The following ENPP3 variants were observed in gnomAD, a reference collection of about 807,000 sequenced individuals.
ENPP3 encodes ectonucleotide pyrophosphatase/phosphodiesterase family member 3.
Under a neutral mutation model 117.8 loss-of-function variants are expected in ENPP3, and 104 were observed. That is an observed-to-expected ratio of 0.88 (90% CI 0.75 to 1.04). ENPP3 has a LOEUF of 1.04. Among genes scored for constraint, ENPP3 ranks in the 50% least tolerant of loss-of-function variants. The pLI, the probability that ENPP3 is intolerant of heterozygous loss-of-function variation, is 0.00. For synonymous variants in ENPP3, 380 were observed against 349.9 expected (o/e 1.09, Z -0.96); for missense variants, 1,026 against 1,051.9 (o/e 0.98, Z 0.34).
At chr6:131,639,703 T>A (rs182928494) in intron 1 of ENPP3, among the ~76,000 whole-genome samples, 1 of 152,284 alleles carries the variant, frequency 6.6e-6, no homozygotes, top group African/African-American at 2.4e-5. Flanking sequence ...CTCTCAGCAG[T>A]TTTTGATGTT....
At chr6:131,654,405 T>C (rs1778338929) in intron 5 of ENPP3, among the ~76,000 whole-genome samples, 1 of 152,022 alleles carries the variant, frequency 6.6e-6, no homozygotes, top group Admixed American at 6.6e-5. Flanking sequence ...CTTCCCAAAA[T>C]GGTGGGATAA....
intron 1 of ENPP3, chr6:131,638,457 T>C: frequency 2.2e-6 from 1 of 448,700 alleles, no homozygotes; most frequent in South Asian, 1.6e-5. Flanking sequence ...ACAGGGTCTC[T>C]CTCCTTTGGG....
intron 4 of ENPP3, 47 bp from the exon 5 acceptor site, chr6:131,652,784 T>G: frequency 6.3e-7 from 1 of 1,590,216 alleles, no homozygotes. Context: ...TTAGTTACTC[T>G]GTCTGTGCTG....
At chr6:131,723,251 T>C (rs1185479335) in intron 18 of ENPP3, among the ~76,000 whole-genome samples, 1 of 152,158 alleles carries the variant, frequency 6.6e-6, no homozygotes, top group Admixed American at 6.6e-5. Flanking sequence ...ATCTCTATTC[T>C]TCAAAATAGC....
At chr6:131,647,798 ATTAT>A (rs1778181222) in intron 2 of ENPP3, among the ~76,000 whole-genome samples, 1 of 152,176 alleles carries the variant, frequency 6.6e-6, no homozygotes, top group African/African-American at 2.4e-5. Context: ...TTTTCAAAGT[ATTAT>A]TAGTTTTGCA....
At chr6:131,642,381 A>G (rs948470207) in intron 2 of ENPP3, among the ~76,000 whole-genome samples, 1 of 152,220 alleles carries the variant, frequency 6.6e-6, no homozygotes. Context: ...AAAGAAAAAT[A>G]GGAGAAATAT....
chr6:131,649,177 C>A (rs77020856), intron 2 of ENPP3, among the ~76,000 whole-genome samples: 1 of 151,922 alleles, frequency 6.6e-6, no homozygotes, highest in South Asian at 2.1e-4. Flanking sequence ...TTTTTTGGGG[C>A]GGGTAAAAAT....
chr6:131,723,636 C>T (rs1780082703), intron 18 of ENPP3, among the ~76,000 whole-genome samples: 1 of 152,074 alleles, frequency 6.6e-6, no homozygotes. Context: ...GAATCTCAAG[C>T]CCTACCCTAG....
At chr6:131,641,751 G>A (rs1027339888) in intron 2 of ENPP3, among the ~76,000 whole-genome samples, 3 of 142,050 alleles carry the variant, frequency 2.1e-5, no homozygotes, top group African/African-American at 7.8e-5. Context: ...CTGCTCATTT[G>A]AGACTCATTA....
Position 131,738,160 on chromosome 6 carries a change from C to A in ENPP3, c.2297C>A (p.Thr766Asn), listed in dbSNP as rs1780442376. Residue 766 changes from threonine (T) to asparagine (N), a missense_variant, in exon 23 of 25, where the codon ACC becomes AAC. By Grantham distance (65) the Thr-to-Asn change is moderately conservative (BLOSUM62 0). Transcript: ENST00000357639. ...DGHFDAPDEI[T>N]KHLANTDVPI... ...CATTTTGATGCTCCAGATGAAATTACCAAGTAAGTGATTTGACTTTTTGAT... is the reference window on the plus strand; with the variant it reads ...CATTTTGATGCTCCAGATGAAATTAACAAGTAAGTGATTTGACTTTTTGAT... The A allele has an allele frequency of 6.2e-7, 1 of 1,609,548 alleles. No homozygotes were observed. The highest frequency in any genetic ancestry group is 1.3e-5 in the African/African-American group (1 of 74,752).
chr6:131,733,023 G>A (rs1477392168), intron 20 of ENPP3, among the ~76,000 whole-genome samples: 5 of 151,542 alleles, frequency 3.3e-5, no homozygotes, highest in East Asian at 1.9e-4. Context: ...CACTGAGCCC[G>A]GCCTGGCCTA....
Position 131,685,485 on chromosome 6 carries a change from C to G in ENPP3, c.1242C>G (p.Asp414Glu). 6.2e-7 allele frequency: 1 copy of G among 1,613,394 alleles called. No individual in the cohort carries two copies. Among genetic ancestry groups the G allele is most frequent in the African/African-American group, 1.3e-5 (1 of 74,966 alleles). Reference protein sequence around the residue: ...PRIRAHNIPHDFFSFNSEEIV... With the variant: ...PRIRAHNIPHEFFSFNSEEIV... ...TCCGAGCTCATAATATACCTCATGA[C>G]TTTTTTAGTTGTAAGTATGAAGACA... The change falls in exon 13 of 25, where the codon GAC (aspartate) becomes GAG (glutamate). Residue 414 changes from aspartate to glutamate, a missense_variant. Coordinates refer to ENST00000357639, the MANE Select transcript of ENPP3 (RefSeq NM_005021.5).
chr6:131,670,455 C>G (rs565011810), intron 6 of ENPP3, among the ~76,000 whole-genome samples: 10 of 152,186 alleles, frequency 6.6e-5, no homozygotes, highest in Non-Finnish European at 1.3e-4. Flanking sequence ...GCCATATATA[C>G]TGAGAATTGT....
intron 9 of ENPP3, 49 bp downstream of exon 9, chr6:131,675,238 G>C: frequency 8.4e-7 from 1 of 1,194,506 alleles, no homozygotes; most frequent in Non-Finnish European, 1.2e-6. Context: ...AAATGATCAA[G>C]ATGTTTTCTG....
At chr6:131,727,539 C>A in intron 20 of ENPP3, among the ~76,000 whole-genome samples, 1 of 105,084 alleles carries the variant, frequency 9.5e-6, no homozygotes, top group South Asian at 3.0e-4. Context: ...TGAGCAACAA[C>A]AGTGAAAGTC....
intron 20 of ENPP3, among the ~76,000 whole-genome samples, chr6:131,730,411 A>T (rs1000066504): frequency 6.6e-6 from 1 of 152,226 alleles, no homozygotes; most frequent in African/African-American, 2.4e-5. Context: ...AAATGGTGAG[A>T]ACTCATCCAA....
chr6:131,686,926 T>C (rs376662658), intron 14 of ENPP3, among the ~76,000 whole-genome samples: 31 of 152,336 alleles, frequency 2.0e-4, no homozygotes, highest in Admixed American at 1.3e-3. Flanking sequence ...GTTGAGCACC[T>C]GGGTTGATTC....
At chr6:131,722,481 G>T (rs1780057895) in intron 18 of ENPP3, 76 bp downstream of exon 18, 1 of 1,196,018 alleles carries the variant, frequency 8.4e-7, no homozygotes, top group African/African-American at 1.5e-5. Context: ...GACAACTGGG[G>T]TAGCAACAAC....
intron 5 of ENPP3, among the ~76,000 whole-genome samples, chr6:131,656,841 G>A (rs1778395386): frequency 6.6e-6 from 1 of 152,042 alleles, no homozygotes; most frequent in Non-Finnish European, 1.5e-5. Flanking sequence ...AAATAATTAA[G>A]GGTGTTTTAG....
Sources: gnomAD v4.1 joint callset for allele counts (sites outside exome capture counted in the v4.1 genomes callset) on GRCh38, gnomAD v4.1.1 for gene constraint, MANE v1.5 for transcripts, NCBI Gene and HGNC (gene_info 2026-07-23, HGNC 2026-07-21) for gene names.